The following SCMH1 variants were observed in gnomAD, a reference collection of about 807,000 sequenced individuals.
The protein encoded by SCMH1 is polycomb protein SCMH1.
SCMH1 carries 37 observed loss-of-function variants against 70.8 expected under a neutral mutation model. The ratio of observed to expected loss-of-function variants is 0.52; its 90% confidence interval spans 0.40 to 0.69. The LOEUF (loss-of-function observed/expected upper bound fraction) is 0.69. Ranked by LOEUF, SCMH1 falls within the 30% of genes least tolerant of loss-of-function variation. The pLI is 0.00. For synonymous variants in SCMH1, 292 were observed against 307.4 expected (o/e 0.95, Z 0.52); for missense variants, 607 against 827.3 (o/e 0.73, Z 3.27).
intron 2 of SCMH1, among the ~76,000 whole-genome samples, chr1:41,179,048 G>A (rs1207138652): frequency 1.3e-5 from 2 of 152,186 alleles, no homozygotes; most frequent in African/African-American, 2.4e-5. Context: ...TCAGACCACA[G>A]TGCAATCAAA....
intron 1 of SCMH1, among the ~76,000 whole-genome samples, chr1:41,234,173 G>A (rs1369397500): frequency 1.3e-5 from 2 of 152,082 alleles, no homozygotes; most frequent in Non-Finnish European, 2.9e-5. Flanking sequence ...GATGGCTCAC[G>A]CCTGTAATTT....
At position 41,116,919 on chromosome 1, in the gene SCMH1, T is replaced by TA; in HGVS notation, c.501+2dup. The TA allele has an allele frequency of 6.3e-7, 1 of 1,595,932 alleles. No homozygotes were observed. The highest frequency in any genetic ancestry group is 8.5e-7 in the Non-Finnish European group (1 of 1,170,308). On this transcript the variant is annotated splice_region_variant and intron_variant, in intron 7 of 14. Transcript: ENST00000337495. ...AGCTGGTGATATCTGAGGGATAGCC[T>TA]ACCTTGTGGAAAATCCTGATGGGAG... is the stretch of plus-strand genomic sequence containing the variant.
intron 1 of SCMH1, among the ~76,000 whole-genome samples, chr1:41,241,087 C>A (rs1663416858): frequency 6.6e-6 from 1 of 152,192 alleles, no homozygotes; most frequent in Non-Finnish European, 1.5e-5. Flanking sequence ...CAACTTATAA[C>A]CAAATGTGTC....
intron 1 of SCMH1, among the ~76,000 whole-genome samples, chr1:41,239,028 A>C (rs779404174): frequency 4.6e-5 from 7 of 152,036 alleles, no homozygotes; most frequent in Non-Finnish European, 8.8e-5. Context: ...TCTCAGATTC[A>C]TTTCTTTCTC....
chr1:41,234,764 G>A (rs1034785176), intron 1 of SCMH1, among the ~76,000 whole-genome samples: 1 of 151,678 alleles, frequency 6.6e-6, no homozygotes, highest in African/African-American at 2.4e-5. Flanking sequence ...ATGAGCCACC[G>A]CGCCCGGCAA....
intron 6 of SCMH1, among the ~76,000 whole-genome samples, chr1:41,126,963 G>A (rs954760560): frequency 6.6e-6 from 1 of 152,104 alleles, no homozygotes; most frequent in Non-Finnish European, 1.5e-5. Flanking sequence ...TCTCTGGTGT[G>A]AAATGTACCA....
At chr1:41,199,314 A>G (rs915480296) in intron 1 of SCMH1, among the ~76,000 whole-genome samples, 14 of 152,110 alleles carry the variant, frequency 9.2e-5, no homozygotes, top group African/African-American at 3.1e-4. Flanking sequence ...TTACTGCTCC[A>G]CCTAAGAGTA....
chr1:41,235,703 CCTT>C (rs1392503991), intron 1 of SCMH1, among the ~76,000 whole-genome samples: 4 of 151,708 alleles, frequency 2.6e-5, no homozygotes, highest in Non-Finnish European at 4.4e-5. Flanking sequence ...CTGTGTGTGC[CCTT>C]CTTTGCATTA....
chr1:41,052,185 G>C (rs919506286), intron 10 of SCMH1, among the ~76,000 whole-genome samples: 1 of 152,176 alleles, frequency 6.6e-6, no homozygotes, highest in African/African-American at 2.4e-5. Context: ...GCTATGACAG[G>C]GGTCCCCAAC....
intron 2 of SCMH1, among the ~76,000 whole-genome samples, chr1:41,169,377 G>A (rs1293757597): frequency 6.6e-6 from 1 of 152,102 alleles, no homozygotes; most frequent in Admixed American, 6.5e-5. Flanking sequence ...CCCTTCTGGA[G>A]AACAAATGGG....
chr1:41,129,478 T>C (rs1281743156), intron 6 of SCMH1, among the ~76,000 whole-genome samples: 1 of 152,214 alleles, frequency 6.6e-6, no homozygotes, highest in Non-Finnish European at 1.5e-5. Flanking sequence ...ACTGGCTTAT[T>C]TCACTTAGCA....
chr1:41,235,632 T>C (rs1662235558), intron 1 of SCMH1, among the ~76,000 whole-genome samples: 2 of 144,778 alleles, frequency 1.4e-5, no homozygotes, highest in African/African-American at 5.1e-5. Context: ...TAAAGAATAA[T>C]TAATAGATAC....
chr1:41,083,329 T>C (rs1412415474), intron 8 of SCMH1, among the ~76,000 whole-genome samples: 1 of 152,042 alleles, frequency 6.6e-6, no homozygotes, highest in Admixed American at 6.5e-5. Context: ...TATAAACCAG[T>C]ATCAGACAAA....
At chr1:41,080,499 T>A (rs1419280799) in intron 8 of SCMH1, among the ~76,000 whole-genome samples, 1 of 152,118 alleles carries the variant, frequency 6.6e-6, no homozygotes, top group Non-Finnish European at 1.5e-5. Flanking sequence ...GTAAATTAAA[T>A]CTAGGTCTCT....
intron 4 of SCMH1, chr1:41,152,578 C>A: frequency 6.2e-7 from 1 of 1,612,922 alleles, no homozygotes; most frequent in Non-Finnish European, 8.5e-7. Context: ...AACCAATTAC[C>A]AGTCTCCCCC....
At chr1:41,090,615 A>G (rs1016568984) in intron 8 of SCMH1, among the ~76,000 whole-genome samples, 2 of 152,336 alleles carry the variant, frequency 1.3e-5, no homozygotes, top group Non-Finnish European at 2.9e-5. Context: ...TGCCTGTATC[A>G]AAATATCACA....
intron 4 of SCMH1, among the ~76,000 whole-genome samples, chr1:41,160,249 T>C (rs1342684011): frequency 2.0e-5 from 3 of 152,194 alleles, no homozygotes; most frequent in Non-Finnish European, 1.5e-5. Context: ...TCAAAATCTA[T>C]GTAACATATA....
intron 8 of SCMH1, among the ~76,000 whole-genome samples, chr1:41,084,004 A>G (rs559783495): frequency 6.9e-3 from 1,046 of 152,284 alleles, no homozygotes; most frequent in Non-Finnish European, 0.011. Context: ...TAAACGTTAG[A>G]CCTAAAACCA....
At chr1:41,070,660 G>A (rs770058667) in exon 10 of SCMH1, 12 of 1,614,090 alleles carry the variant, frequency 7.4e-6, no homozygotes, top group South Asian at 1.1e-5. Flanking sequence ...GCTGGTATCC[G>A]GTTCAGGAGT....
Sources: gnomAD v4.1 joint callset for allele counts (sites outside exome capture counted in the v4.1 genomes callset) on GRCh38, gnomAD v4.1.1 for gene constraint, MANE v1.5 for transcripts, NCBI Gene and HGNC (gene_info 2026-07-23, HGNC 2026-07-21) for gene names.